SEMA5A: variants seen among roughly 807,000 people sequenced by gnomAD.
The protein encoded by SEMA5A is semaphorin 5A, also known as semaphorin-5A.
A neutral mutation model predicts 135.5 loss-of-function variants in SEMA5A; 55 were observed. The observed-to-expected ratio is 0.41, with a 90% confidence interval of 0.33 to 0.51. The LOEUF is 0.51. SEMA5A is among the 20% of genes least tolerant of loss of function. The pLI, the probability that SEMA5A is intolerant of heterozygous loss-of-function variation, is 0.37. For synonymous variants in SEMA5A, 580 were observed against 546.5 expected (o/e 1.06, Z -0.85); for missense variants, 1,290 against 1,419.9 (o/e 0.91, Z 1.47).
intron 12 of SEMA5A, among the ~76,000 whole-genome samples, chr5:9,139,523 A>G (rs1334440347): frequency 6.6e-6 from 1 of 152,260 alleles, no homozygotes; most frequent in Non-Finnish European, 1.5e-5. Flanking sequence ...GGCTTAGCAT[A>G]GATGAATATA....
chr5:9,499,269 G>A (rs1316910642), intron 1 of SEMA5A, among the ~76,000 whole-genome samples: 1 of 152,106 alleles, frequency 6.6e-6, no homozygotes, highest in Non-Finnish European at 1.5e-5. Context: ...AAACATCAAA[G>A]AATTTAGTGT....
chr5:9,403,698 TC>T (rs1756762153), intron 2 of SEMA5A, among the ~76,000 whole-genome samples: 1 of 151,980 alleles, frequency 6.6e-6, no homozygotes, highest in South Asian at 2.1e-4. Flanking sequence ...AATGAGCCAA[TC>T]CTCTTTGCTG....
intron 1 of SEMA5A, among the ~76,000 whole-genome samples, chr5:9,474,213 C>A (rs1020526351): frequency 1.3e-5 from 2 of 152,156 alleles, no homozygotes; most frequent in Non-Finnish European, 2.9e-5. Flanking sequence ...GAGAAAGGAT[C>A]TTACGTGGAG....
chr5:9,489,873 G>A (rs1734917402), intron 1 of SEMA5A, among the ~76,000 whole-genome samples: 1 of 152,082 alleles, frequency 6.6e-6, no homozygotes, highest in African/African-American at 2.4e-5. Flanking sequence ...CTTTGGCTAT[G>A]TGATGTCAAA....
chr5:9,449,576 A>T lies in SEMA5A; in HGVS notation c.-174-11724T>A, dbSNP rs115524626. Among the ~76,000 whole-genome samples, 560 of 152,084 alleles carry T rather than the reference A, an allele frequency of 3.7e-3. 5 individuals are homozygous for T. The highest frequency in any genetic ancestry group is 0.013 in the African/African-American group (531 of 41,400). On this transcript the variant is annotated intron_variant, in intron 1 of 22. Transcript: ENST00000382496. Reference sequence around the variant, plus strand: ...CATGTACCCTGGAACTTAAAATAAAAGTTGAAGGAAAAAAAAAAAGAACAA... The same window carrying T: ...CATGTACCCTGGAACTTAAAATAAATGTTGAAGGAAAAAAAAAAAGAACAA...
At chr5:9,098,975 T>A (rs541857690) in intron 16 of SEMA5A, among the ~76,000 whole-genome samples, 5 of 152,296 alleles carry the variant, frequency 3.3e-5, no homozygotes, top group Non-Finnish European at 5.9e-5. Flanking sequence ...GCATAAAAAA[T>A]TTTTAAAAAC....
chr5:9,276,613 T>C (rs1750276339), intron 5 of SEMA5A, among the ~76,000 whole-genome samples: 1 of 151,998 alleles, frequency 6.6e-6, no homozygotes. Flanking sequence ...AAAACACATA[T>C]ATATATACCA....
Position 9,536,562 on chromosome 5 carries a change from G to A in SEMA5A, c.-175+9022C>T, listed in dbSNP as rs146000406. Among the ~76,000 whole-genome samples, 685 of 151,040 alleles carry A rather than the reference G, an allele frequency of 4.5e-3. 10 individuals carry two copies. Among genetic ancestry groups the A allele is most frequent in the African/African-American group, 0.016 (660 of 41,036 alleles). On this transcript the variant is annotated intron_variant, in intron 1 of 22. Transcript: ENST00000382496. Reference sequence around the variant, plus strand: ...CGGGAGGCAGAGGTTACAGTGAGCCGAGATCGCACCACTGCACTCCAGCCT... The same window carrying A: ...CGGGAGGCAGAGGTTACAGTGAGCCAAGATCGCACCACTGCACTCCAGCCT...
At chr5:9,087,555 T>C (rs1012216707) in intron 16 of SEMA5A, among the ~76,000 whole-genome samples, 1 of 151,320 alleles carries the variant, frequency 6.6e-6, no homozygotes, top group Non-Finnish European at 1.5e-5. Flanking sequence ...ATTTATTTTA[T>C]ATTTATATTT....
intron 2 of SEMA5A, among the ~76,000 whole-genome samples, chr5:9,392,227 A>G (rs1310656974): frequency 1.3e-5 from 2 of 152,144 alleles, no homozygotes; most frequent in Non-Finnish European, 2.9e-5. Context: ...TATCTTCTTC[A>G]CATCACTTAA....
At chr5:9,380,942 G>A (rs1247270406) in intron 2 of SEMA5A, among the ~76,000 whole-genome samples, 1 of 151,554 alleles carries the variant, frequency 6.6e-6, no homozygotes, top group African/African-American at 2.4e-5. Context: ...TCCGTCCCCA[G>A]GGAGGAGGAT....
chr5:9,501,776 A>G (rs1735611690), intron 1 of SEMA5A, among the ~76,000 whole-genome samples: 1 of 152,158 alleles, frequency 6.6e-6, no homozygotes, highest in Admixed American at 6.5e-5. Context: ...GCACCCAAGG[A>G]CTCAGGACAC....
intron 8 of SEMA5A, among the ~76,000 whole-genome samples, chr5:9,206,044 T>C (rs1014395523): frequency 6.6e-6 from 1 of 152,198 alleles, no homozygotes; most frequent in African/African-American, 2.4e-5. Flanking sequence ...ATGAATTTTG[T>C]TTTCCTTCCA....
In SEMA5A at chr5:9,118,982, C is replaced by T; in HGVS notation, c.1925+16G>A. On this transcript the variant is annotated intron_variant, in intron 15 of 22. Coordinates refer to ENST00000382496, the MANE Select transcript of SEMA5A (RefSeq NM_003966.3). ...AGCGTGAGGCTGGCGGTGCTGGCAGCAGGGTGGGCACGTACCTTTCCTCGC... is the reference window on the plus strand; with the variant it reads ...AGCGTGAGGCTGGCGGTGCTGGCAGTAGGGTGGGCACGTACCTTTCCTCGC... 1.2e-6 allele frequency: 2 copies of T among 1,608,922 alleles called. No individual in the cohort carries two copies.
At position 9,318,336 on chromosome 5, in the gene SEMA5A, G is replaced by GA. The variant is rs887232018; in HGVS notation, c.270+35dup. The GA allele has an allele frequency of 1.9e-6, 3 of 1,591,346 alleles. No individual in the cohort carries two copies. In the African/African-American group the frequency reaches 4.0e-5, roughly 21 times the overall value. On this transcript the variant is annotated intron_variant, in intron 5 of 22. Coordinates refer to ENST00000382496, the MANE Select transcript of SEMA5A (RefSeq NM_003966.3). ...CTCAAACAGTGAGTTAATTGGGATG[G>GA]AAAATGAAAGCTTGAGAAAAATAAA...
intron 5 of SEMA5A, among the ~76,000 whole-genome samples, chr5:9,253,664 G>A (rs943551051): frequency 3.3e-5 from 5 of 152,094 alleles, no homozygotes; most frequent in Admixed American, 3.3e-4. Context: ...CAAACATATA[G>A]TGTTTCGTTA....
chr5:9,436,265 C>A (rs921885656), intron 2 of SEMA5A, among the ~76,000 whole-genome samples: 2 of 152,250 alleles, frequency 1.3e-5, no homozygotes, highest in Non-Finnish European at 2.9e-5. Context: ...CCATCCAAAG[C>A]AAGCCAACAC....
chr5:9,300,454 T>C (rs1374561108), intron 5 of SEMA5A, among the ~76,000 whole-genome samples: 1 of 152,188 alleles, frequency 6.6e-6, no homozygotes, highest in African/African-American at 2.4e-5. Flanking sequence ...AAAAAGAGGA[T>C]AGTAATTTGG....
chr5:9,543,155 C>T (rs1399560398), intron 1 of SEMA5A, among the ~76,000 whole-genome samples: 1 of 152,204 alleles, frequency 6.6e-6, no homozygotes, highest in Non-Finnish European at 1.5e-5. Flanking sequence ...GCCACTAGCA[C>T]ACGGTACAGA....
Sources: gnomAD v4.1 joint callset for allele counts (sites outside exome capture counted in the v4.1 genomes callset) on GRCh38, gnomAD v4.1.1 for gene constraint, MANE v1.5 for transcripts, NCBI Gene and HGNC (gene_info 2026-07-23, HGNC 2026-07-21) for gene names.